The following SHISAL2A variants were observed in gnomAD, a reference collection of about 807,000 sequenced individuals.
SHISAL2A encodes the protein protein shisa-like-2A.
In SHISAL2A, 18 loss-of-function variants were observed where a neutral mutation model predicts 11.5. The ratio of observed to expected loss-of-function variants is 1.57; its 90% CI spans 1.08 to 2.33. The LOEUF is 2.33. Among genes scored for constraint, SHISAL2A ranks in the 30% most tolerant of loss-of-function variants. SHISAL2A has a pLI of 0.00. For synonymous variants in SHISAL2A, 94 were observed against 99.6 expected, an observed-to-expected ratio of 0.94 and a Z score of 0.34; for missense variants, 261 against 250.9, an observed-to-expected ratio of 1.04 and a Z score of -0.27.
chr1:52,642,729 T>A (rs1268065071), intron 1 of SHISAL2A, 134 bp from the exon 2 acceptor site: 6 of 980,394 alleles, frequency 6.1e-6, no homozygotes, highest in Non-Finnish European at 7.6e-6. Context: ...TGGCCTAAAA[T>A]TTTTTTTAAA....
chr1:52,667,352 T>C, intron 4 of SHISAL2A: 1 of 970,088 alleles, frequency 1.0e-6, no homozygotes. Flanking sequence ...TGCTCCGCCA[T>C]GGGGAAGTCT....
chr1:52,647,616 C>T (rs114465868), intron 2 of SHISAL2A, among the ~76,000 whole-genome samples: 4,495 of 152,046 alleles, frequency 0.03, 90 homozygotes, highest in Non-Finnish European at 0.046. Context: ...GAGGTGGAGG[C>T]GGGCAGATCA....
chr1:52,638,942 C>T (rs138916118), intron 1 of SHISAL2A, among the ~76,000 whole-genome samples: 7 of 152,140 alleles, frequency 4.6e-5, no homozygotes, highest in East Asian at 1.9e-4. Flanking sequence ...ATAGCCAAGG[C>T]GGGCAGATTG....
intron 4 of SHISAL2A, chr1:52,667,368 A>C (rs1692031981): frequency 1.0e-6 from 1 of 982,678 alleles, no homozygotes; most frequent in Non-Finnish European, 1.2e-6. Context: ...AGTCTTTCAA[A>C]GATTTGTTCA....
At chr1:52,651,459 G>T (rs1422399767) in intron 2 of SHISAL2A, among the ~76,000 whole-genome samples, 1 of 152,038 alleles carries the variant, frequency 6.6e-6, no homozygotes, top group African/African-American at 2.4e-5. Flanking sequence ...GGCTGGTCTT[G>T]AACTCCTGAC....
At position 52,667,353 on chromosome 1, in the gene SHISAL2A, G is replaced by C. The variant is rs531501335; in HGVS notation, n.696-46G>C. 4 of 971,752 alleles carry C rather than the reference G, an allele frequency of 4.1e-6. No homozygotes were observed. The African/African-American group carries it at 7.0e-5, about 17-fold the overall frequency. 60.2% of individuals were successfully genotyped at this position (971,752 alleles called of 1,614,324 possible). ...TTGCTGGGAATGTTTGCTCCGCCAT[G>C]GGGAAGTCTTTCAAAGATTTGTTCA... On this transcript the variant is annotated intron_variant and non_coding_transcript_variant, in intron 4 of 5. Coordinates refer to the SHISAL2A transcript ENST00000401050.
At chr1:52,651,050 G>A (rs1691633337) in intron 2 of SHISAL2A, among the ~76,000 whole-genome samples, 1 of 151,426 alleles carries the variant, frequency 6.6e-6, no homozygotes, top group Non-Finnish European at 1.5e-5. Flanking sequence ...CAGAGTATAA[G>A]GTCTGGAAGC....
chr1:52,648,803 G>A (rs1691561856), intron 2 of SHISAL2A, among the ~76,000 whole-genome samples: 1 of 152,036 alleles, frequency 6.6e-6, no homozygotes, highest in Admixed American at 6.6e-5. Context: ...GGGATGTTCT[G>A]GCTTGTGCTC....
At chr1:52,646,759 G>A (rs900475518) in intron 2 of SHISAL2A, among the ~76,000 whole-genome samples, 10 of 152,086 alleles carry the variant, frequency 6.6e-5, no homozygotes, top group Non-Finnish European at 1.2e-4. Flanking sequence ...CTTTTTCTCA[G>A]TCTATTTAGT....
At chr1:52,667,030 C>T (rs539332795) in intron 4 of SHISAL2A, among the ~76,000 whole-genome samples, 4 of 152,344 alleles carry the variant, frequency 2.6e-5, no homozygotes, top group Admixed American at 2.0e-4. Flanking sequence ...CACAAGCCCA[C>T]AAGGGTCAGG....
At chr1:52,645,426 G>GTTTTGTTTTGTTTTGTTTTGTTTTGTTTT (rs1283697789) in intron 2 of SHISAL2A, among the ~76,000 whole-genome samples, 11 of 83,594 alleles carry the variant, frequency 1.3e-4, no homozygotes, top group African/African-American at 3.0e-4. Context: ...TGTTTTGTTT[G>GTTTTGTTTTGTTTTGTTTTGTTTTGTTTT]AGACAAGGTC....
At chr1:52,649,681 A>G (rs575046321) in intron 2 of SHISAL2A, among the ~76,000 whole-genome samples, 1 of 152,298 alleles carries the variant, frequency 6.6e-6, no homozygotes, top group South Asian at 2.1e-4. Flanking sequence ...TGTGCTAAGG[A>G]CTTCAAACAC....
In SHISAL2A at chr1:52,642,997, C is replaced by A. The variant is rs774803515; in HGVS notation, c.317C>A (p.Thr106Lys). The A allele has an allele frequency of 1.2e-6, 2 of 1,614,076 alleles. No individual in the cohort carries two copies. Among genetic ancestry groups the A allele is most frequent in the Admixed American group, 3.3e-5 (2 of 59,994 alleles). ...TTGGACCTGGGCTTGAGCTTACAGA[C>A]AGCAGGTAAGGAAGTTGCCAGGTGA... ...TKLDLGLSLQ[T>K]AGPEEVSPDC... The change falls in exon 2 of 3, where the codon ACA (threonine) becomes AAA (lysine). Residue 106 changes from threonine to lysine, a missense_variant. Coordinates refer to ENST00000517870, the MANE Select transcript of SHISAL2A (RefSeq NM_001042693.3).
At chr1:52,644,705 CAG>C (rs1186653949) in intron 2 of SHISAL2A, among the ~76,000 whole-genome samples, 1 of 145,062 alleles carries the variant, frequency 6.9e-6, no homozygotes, top group East Asian at 2.1e-4. Flanking sequence ...GCCTGGGAGA[CAG>C]AGCAAGACCG....
chr1:52,663,760 T>TA lies in SHISAL2A; in HGVS notation n.696-3630dup, dbSNP rs200757318. On this transcript the variant is annotated intron_variant and non_coding_transcript_variant, in intron 4 of 5. Transcript: ENST00000401050. The stretch of plus-strand genomic sequence containing the variant: ...TGGGCAACAAGAGCGAAACTGCGTC[T>TA]AAAAAAAAAGAAAAGAAAGAAAGAA... 3.6e-3 allele frequency among the ~76,000 whole-genome samples: 547 copies of TA among 151,048 alleles called. 3 individuals are homozygous for TA. In the Middle Eastern group the frequency reaches 0.062, roughly 17 times the overall value.
chr1:52,639,770 A>G (rs1282555408), intron 1 of SHISAL2A, among the ~76,000 whole-genome samples: 1 of 152,006 alleles, frequency 6.6e-6, no homozygotes, highest in Non-Finnish European at 1.5e-5. Context: ...AAAACAAAAC[A>G]TATTAAAATC....
downstream of SHISAL2A, among the ~76,000 whole-genome samples, chr1:52,658,585 A>G (rs1435336217): frequency 6.6e-6 from 1 of 152,186 alleles, no homozygotes; most frequent in East Asian, 1.9e-4. Context: ...GGACTAAATT[A>G]CTAAGTCCAT....
chr1:52,658,803 C>T (rs1691849265), downstream of SHISAL2A, among the ~76,000 whole-genome samples: 1 of 152,208 alleles, frequency 6.6e-6, no homozygotes, highest in Non-Finnish European at 1.5e-5. Context: ...TGTGGAGACG[C>T]AGCTCAGCAG....
intron 2 of SHISAL2A, among the ~76,000 whole-genome samples, chr1:52,653,905 G>A (rs1173205472): frequency 2.0e-5 from 3 of 151,994 alleles, no homozygotes; most frequent in Non-Finnish European, 4.4e-5. Flanking sequence ...CGTATTTTCT[G>A]TTCCATTTTA....
Sources: allele counts gnomAD v4.1 joint callset (sites outside exome capture counted in the v4.1 genomes callset), GRCh38; gene constraint gnomAD v4.1.1; transcripts MANE v1.5; gene names NCBI Gene and HGNC (gene_info 2026-07-23, HGNC 2026-07-21).